The following TRAPPC9 variants were observed in gnomAD, a reference collection of about 807,000 sequenced individuals.
TRAPPC9 encodes trafficking protein particle complex subunit 9, also known as IKK2 binding protein.
A neutral mutation model predicts 124.0 loss-of-function variants in TRAPPC9; 83 were observed. The observed-to-expected ratio is 0.67, with a 90% CI of 0.56 to 0.80. The LOEUF (loss-of-function observed/expected upper bound fraction) is 0.80. Ranked by LOEUF, TRAPPC9 falls within the 30% of genes least tolerant of loss-of-function variation. The pLI is 0.00. For missense variants in TRAPPC9, 1,302 were observed against 1,508.3 expected, an observed-to-expected ratio of 0.86 and a Z score of 2.27; for synonymous variants, 638 against 617.5, an observed-to-expected ratio of 1.03 and a Z score of -0.49.
intron 21 of TRAPPC9, among the ~76,000 whole-genome samples, chr8:139,757,957 T>G (rs1007221021): frequency 6.6e-6 from 1 of 152,198 alleles, no homozygotes; most frequent in Admixed American, 6.5e-5. Context: ...ATTTTTCCAG[T>G]GATTAAAAAT....
intron 16 of TRAPPC9, among the ~76,000 whole-genome samples, chr8:140,237,269 T>C (rs1195477095): frequency 6.6e-6 from 1 of 151,594 alleles, no homozygotes; most frequent in South Asian, 2.1e-4. Context: ...AATCATCTAG[T>C]AGGGAGACTT....
intron 20 of TRAPPC9, among the ~76,000 whole-genome samples, chr8:139,900,264 C>T (rs529400019): frequency 1.3e-5 from 2 of 152,336 alleles, no homozygotes; most frequent in African/African-American, 2.4e-5. Context: ...CTCTGCTTCC[C>T]CTGTGCCTGG....
intron 17 of TRAPPC9, among the ~76,000 whole-genome samples, chr8:140,157,441 G>C (rs1228365449): frequency 6.6e-6 from 1 of 152,184 alleles, no homozygotes; most frequent in Non-Finnish European, 1.5e-5. Context: ...GGGAGGAGAA[G>C]GGAGGGAGGA....
At chr8:140,102,746 A>G (rs1327813656) in intron 17 of TRAPPC9, among the ~76,000 whole-genome samples, 1 of 152,238 alleles carries the variant, frequency 6.6e-6, no homozygotes, top group Non-Finnish European at 1.5e-5. Context: ...AAAGGCCAAC[A>G]AGAATGGCAG....
At chr8:139,968,188 A>G (rs1330603851) in intron 19 of TRAPPC9, among the ~76,000 whole-genome samples, 1 of 152,056 alleles carries the variant, frequency 6.6e-6, no homozygotes, top group Non-Finnish European at 1.5e-5. Context: ...AAAAAAACAA[A>G]AAATAAAAAA....
chr8:139,981,873 G>A (rs1244260805), intron 19 of TRAPPC9, among the ~76,000 whole-genome samples: 1 of 152,216 alleles, frequency 6.6e-6, no homozygotes, highest in Non-Finnish European at 1.5e-5. Flanking sequence ...TGGCCGCTCA[G>A]ATCCTGCCGG....
At chr8:140,183,934 GAGGAGAGGAGAGGA>G (rs2062277961) in intron 17 of TRAPPC9, among the ~76,000 whole-genome samples, 1 of 55,990 alleles carries the variant, frequency 1.8e-5, no homozygotes, top group African/African-American at 5.3e-5. Context: ...GAGGAGAGGA[GAGGAGAGGAGAGGA>G]GAGGGGAGGG....
chr8:140,249,392 G>A (rs981116383), intron 16 of TRAPPC9, among the ~76,000 whole-genome samples: 34 of 151,940 alleles, frequency 2.2e-4, no homozygotes, highest in Admixed American at 1.6e-3. Flanking sequence ...AGTCTTCCAG[G>A]GTGTATATGT....
chr8:140,234,010 T>G (rs142256821), intron 16 of TRAPPC9, among the ~76,000 whole-genome samples: 126 of 152,308 alleles, frequency 8.3e-4, no homozygotes, highest in African/African-American at 2.9e-3. Context: ...TAGAGAAATG[T>G]GGGTACTTAA....
intron 3 of TRAPPC9, among the ~76,000 whole-genome samples, chr8:140,438,459 G>A (rs2070894214): frequency 6.6e-6 from 1 of 152,146 alleles, no homozygotes; most frequent in Non-Finnish European, 1.5e-5. Context: ...TGAAGATCAT[G>A]GGGAACGGCA....
At chr8:140,032,634 C>T (rs1285204629) in intron 17 of TRAPPC9, among the ~76,000 whole-genome samples, 1 of 152,178 alleles carries the variant, frequency 6.6e-6, no homozygotes, top group Non-Finnish European at 1.5e-5. Flanking sequence ...AAACAGTACC[C>T]TAAAAATTGG....
rs1014694060 is a variant in TRAPPC9 at position 139,908,071 on chromosome 8, A to T, written c.2964+2076T>A. Among the ~76,000 whole-genome samples the T allele has an allele frequency of 2.6e-5, 4 of 152,228 alleles. No individual in the cohort carries two copies. The East Asian group carries it at 5.8e-4, about 22-fold the overall frequency. The stretch of plus-strand genomic sequence containing the variant: ...TCTGGGAGGCAGCAGCTCTGACACT[A>T]GCAGGGTGCCCCTGTGTGCCCAGCA... On this transcript the variant is annotated intron_variant, in intron 20 of 22. Coordinates refer to ENST00000438773, the MANE Select transcript of TRAPPC9 (RefSeq NM_001160372.4).
At chr8:139,919,578 T>C (rs1832379998) in intron 19 of TRAPPC9, among the ~76,000 whole-genome samples, 1 of 152,152 alleles carries the variant, frequency 6.6e-6, no homozygotes, top group African/African-American at 2.4e-5. Context: ...CGAGGTAGCT[T>C]TTAGGAAGAC....
chr8:139,858,186 C>T (rs753974574), intron 21 of TRAPPC9, among the ~76,000 whole-genome samples: 1 of 152,188 alleles, frequency 6.6e-6, no homozygotes, highest in African/African-American at 2.4e-5. Flanking sequence ...GTTCCCTTTG[C>T]CATAAGGACT....
chr8:140,335,527 G>A (rs954500991), intron 9 of TRAPPC9, among the ~76,000 whole-genome samples: 1 of 152,028 alleles, frequency 6.6e-6, no homozygotes, highest in African/African-American at 2.4e-5. Context: ...ATTCAGCTGA[G>A]GATATGGTAA....
intron 21 of TRAPPC9, among the ~76,000 whole-genome samples, chr8:139,865,896 G>A (rs540839636): frequency 6.6e-6 from 1 of 152,356 alleles, no homozygotes; most frequent in South Asian, 2.1e-4. Flanking sequence ...ATGTGCCCGA[G>A]GTGGTCGGGG....
At chr8:139,913,372 G>A (rs1053132602) in intron 19 of TRAPPC9, among the ~76,000 whole-genome samples, 1 of 152,210 alleles carries the variant, frequency 6.6e-6, no homozygotes, top group African/African-American at 2.4e-5. Flanking sequence ...CAGATGACAG[G>A]CTGCACCTCT....
chr8:139,789,843 C>A (rs1822531264), intron 21 of TRAPPC9, among the ~76,000 whole-genome samples: 1 of 152,142 alleles, frequency 6.6e-6, no homozygotes, highest in Non-Finnish European at 1.5e-5. Context: ...GACCTCAACT[C>A]CAGGACCGGT....
At chr8:140,098,965 G>C (rs370645541) in intron 17 of TRAPPC9, 2 of 152,252 alleles carry the variant, frequency 1.3e-5, no homozygotes, top group Non-Finnish European at 2.9e-5. Flanking sequence ...GATCCACAAA[G>C]TAACAACGTC....
Sources: gnomAD v4.1 joint callset for allele counts (sites outside exome capture counted in the v4.1 genomes callset) on GRCh38, gnomAD v4.1.1 for gene constraint, MANE v1.5 for transcripts, NCBI Gene and HGNC (gene_info 2026-07-23, HGNC 2026-07-21) for gene names.